Variants in ZFPM2 observed in about 807,000 individuals in gnomAD.
ZFPM2 encodes the protein zinc finger protein ZFPM2.
ZFPM2 carries 20 observed loss-of-function variants against 98.6 expected under a neutral mutation model. That is an observed-to-expected ratio of 0.20 (90% CI 0.14 to 0.29). The LOEUF (loss-of-function observed/expected upper bound fraction) is 0.29. Ranked by LOEUF, ZFPM2 falls within the 10% of genes least tolerant of loss-of-function variation. ZFPM2 has a pLI of 1.00. For synonymous variants in ZFPM2, 518 were observed against 502.7 expected (o/e 1.03, Z -0.41); for missense variants, 1,310 against 1,388.6 (o/e 0.94, Z 0.90).
At chr8:105,619,289 T>G (rs1428705894) in intron 4 of ZFPM2, among the ~76,000 whole-genome samples, 2 of 152,142 alleles carry the variant, frequency 1.3e-5, no homozygotes, top group Non-Finnish European at 1.5e-5. Context: ...GTGTTGCACC[T>G]TCCAAATGTA....
chr8:105,645,719 G>A (rs1275141604), intron 5 of ZFPM2, among the ~76,000 whole-genome samples: 1 of 152,096 alleles, frequency 6.6e-6, no homozygotes, highest in Non-Finnish European at 1.5e-5. Flanking sequence ...TATGCTGATC[G>A]AGGTGGTGAA....
chr8:105,798,562 G>T, intron 6 of ZFPM2, 162 bp from the exon 7 acceptor site: 1 of 577,464 alleles, frequency 1.7e-6, no homozygotes, highest in Non-Finnish European at 3.0e-6. Flanking sequence ...TTTAAAAGTC[G>T]AGTCCTATGC....
At chr8:105,464,582 A>G (rs999820155) in intron 3 of ZFPM2, among the ~76,000 whole-genome samples, 3 of 152,052 alleles carry the variant, frequency 2.0e-5, no homozygotes, top group African/African-American at 7.2e-5. Flanking sequence ...GGAGAAGACA[A>G]ACTAAGTGTA....
At chr8:105,466,553 A>G (rs779486007) in intron 3 of ZFPM2, among the ~76,000 whole-genome samples, 4 of 152,180 alleles carry the variant, frequency 2.6e-5, no homozygotes, top group East Asian at 1.9e-4. Context: ...TGTTCACAAA[A>G]CATACTTTTC....
At chr8:105,483,046 T>A (rs1286386456) in intron 3 of ZFPM2, among the ~76,000 whole-genome samples, 1 of 71,524 alleles carries the variant, frequency 1.4e-5, no homozygotes, top group African/African-American at 5.3e-5. Context: ...TTCTTTATTT[T>A]AACAGGATCT....
chr8:105,593,395 GA>G (rs1038303591), intron 4 of ZFPM2, among the ~76,000 whole-genome samples: 5 of 150,130 alleles, frequency 3.3e-5, no homozygotes, highest in African/African-American at 1.2e-4. Flanking sequence ...ATAGAATTCT[GA>G]AAAAAAAATT....
chr8:105,797,612 G>A (rs183262756), intron 6 of ZFPM2, among the ~76,000 whole-genome samples: 140 of 152,152 alleles, frequency 9.2e-4, no homozygotes, highest in African/African-American at 3.0e-3. Context: ...ATCATGCTCC[G>A]TGCCTCAACA....
chr8:105,703,161 A>G (rs1811178528), intron 5 of ZFPM2, among the ~76,000 whole-genome samples: 1 of 152,162 alleles, frequency 6.6e-6, no homozygotes, highest in Non-Finnish European at 1.5e-5. Context: ...ATTAAGAAAA[A>G]TGTGTCCATT....
chr8:105,790,471 G>A (rs1246947302), intron 6 of ZFPM2, among the ~76,000 whole-genome samples: 2 of 152,092 alleles, frequency 1.3e-5, no homozygotes, highest in Non-Finnish European at 2.9e-5. Flanking sequence ...TTTGGTACCA[G>A]TACCATGCTG....
At chr8:105,475,582 G>T (rs1429387060) in intron 3 of ZFPM2, among the ~76,000 whole-genome samples, 1 of 152,202 alleles carries the variant, frequency 6.6e-6, no homozygotes, top group African/African-American at 2.4e-5. Context: ...TTAAGCGGAG[G>T]AAGCAACTGG....
chr8:105,727,203 C>T (rs1811831844), intron 5 of ZFPM2, among the ~76,000 whole-genome samples: 3 of 150,880 alleles, frequency 2.0e-5, no homozygotes, highest in Admixed American at 1.3e-4. Context: ...CAAGAGTACA[C>T]ACCCTTAGTT....
intron 3 of ZFPM2, among the ~76,000 whole-genome samples, chr8:105,557,189 G>A (rs1815015089): frequency 6.6e-6 from 1 of 151,924 alleles, no homozygotes; most frequent in Non-Finnish European, 1.5e-5. Context: ...GCATCACTAT[G>A]CCTTTGAAGG....
chr8:105,746,222 G>C (rs1812340853), intron 5 of ZFPM2, among the ~76,000 whole-genome samples: 1 of 151,876 alleles, frequency 6.6e-6, no homozygotes, highest in African/African-American at 2.4e-5. Flanking sequence ...AAGCTAAGGA[G>C]TATCTAGTGT....
At chr8:105,782,651 G>GT (rs995814032) in intron 5 of ZFPM2, among the ~76,000 whole-genome samples, 2 of 151,892 alleles carry the variant, frequency 1.3e-5, no homozygotes, top group African/African-American at 4.8e-5. Flanking sequence ...AACTTTATGG[G>GT]TTTTTTACTT....
chr8:105,535,006 A>T (rs1814419772), intron 3 of ZFPM2, among the ~76,000 whole-genome samples: 1 of 152,176 alleles, frequency 6.6e-6, no homozygotes, highest in South Asian at 2.1e-4. Context: ...TACATGGTGT[A>T]TCTCCTAAGA....
intron 5 of ZFPM2, among the ~76,000 whole-genome samples, chr8:105,719,840 A>C (rs1189144745): frequency 6.6e-6 from 1 of 151,938 alleles, no homozygotes; most frequent in African/African-American, 2.4e-5. Context: ...TCTCCATACC[A>C]GTGGTCTTTT....
At chr8:105,488,878 A>G (rs1171702605) in intron 3 of ZFPM2, among the ~76,000 whole-genome samples, 2 of 152,174 alleles carry the variant, frequency 1.3e-5, no homozygotes, top group Non-Finnish European at 2.9e-5. Flanking sequence ...CAATGTTGGA[A>G]GCCATTTTCT....
intron 5 of ZFPM2, among the ~76,000 whole-genome samples, chr8:105,694,252 C>T (rs1810964128): frequency 6.6e-6 from 1 of 152,036 alleles, no homozygotes; most frequent in Admixed American, 6.5e-5. Flanking sequence ...TCCCAAAGTG[C>T]TGGGATTACA....
At chr8:105,439,727 A>T in intron 2 of ZFPM2, among the ~76,000 whole-genome samples, 1 of 152,220 alleles carries the variant, frequency 6.6e-6, no homozygotes, top group African/African-American at 2.4e-5. Flanking sequence ...CTGTGTTTCA[A>T]GATTCATAAG....
Sources: gnomAD v4.1 joint callset for allele counts (sites outside exome capture counted in the v4.1 genomes callset) on GRCh38, gnomAD v4.1.1 for gene constraint, MANE v1.5 for transcripts, NCBI Gene and HGNC (gene_info 2026-07-23, HGNC 2026-07-21) for gene names.